SMURF1: variants seen among roughly 807,000 people sequenced by gnomAD.
SMURF1 encodes SMAD specific E3 ubiquitin protein ligase 1.
A neutral mutation model predicts 98.0 loss-of-function variants in SMURF1; 44 were observed. The observed-to-expected ratio is 0.45, with a 90% CI of 0.35 to 0.58. The LOEUF (loss-of-function observed/expected upper bound fraction) is 0.58, where lower values mean the gene tolerates loss of function less well. Ranked by LOEUF, SMURF1 falls within the 20% of genes least tolerant of loss-of-function variation. The pLI is 0.00. For missense variants in SMURF1, 687 were observed against 938.4 expected, an observed-to-expected ratio of 0.73 and a Z score of 3.50; for synonymous variants, 396 against 374.9, an observed-to-expected ratio of 1.06 and a Z score of -0.65.
At chr7:99,053,787 A>T (rs1795816931) in intron 6 of SMURF1, among the ~76,000 whole-genome samples, 1 of 152,154 alleles carries the variant, frequency 6.6e-6, no homozygotes, top group South Asian at 2.1e-4. Context: ...CCATTAATTC[A>T]TGGGGGACTG....
intron 3 of SMURF1, among the ~76,000 whole-genome samples, chr7:99,059,171 G>A (rs533893301): frequency 1.3e-5 from 2 of 151,664 alleles, no homozygotes; most frequent in East Asian, 1.9e-4. Context: ...AGGCCGAGGC[G>A]GGCGGATCAC....
intron 1 of SMURF1, among the ~76,000 whole-genome samples, chr7:99,136,392 C>A (rs931323868): frequency 1.3e-5 from 2 of 151,994 alleles, no homozygotes; most frequent in African/African-American, 4.8e-5. Context: ...GATTGTTGTT[C>A]CTAGTTTGTC....
chr7:99,059,687 A>G (rs1319192825), intron 3 of SMURF1, among the ~76,000 whole-genome samples: 1 of 151,742 alleles, frequency 6.6e-6, no homozygotes, highest in Non-Finnish European at 1.5e-5. Flanking sequence ...AGGCGGGTGG[A>G]TCATGAGGTC....
intron 1 of SMURF1, among the ~76,000 whole-genome samples, chr7:99,118,814 G>C (rs2150617440): frequency 6.6e-6 from 1 of 152,024 alleles, no homozygotes; most frequent in East Asian, 1.9e-4. Context: ...TTTAAAGACA[G>C]CTCTATATTA....
At chr7:99,090,386 C>T (rs1020567316) in intron 1 of SMURF1, among the ~76,000 whole-genome samples, 44 of 152,182 alleles carry the variant, frequency 2.9e-4, no homozygotes, top group Non-Finnish European at 1.2e-4. Context: ...CTACTGCTTA[C>T]AGCGATAGCA....
chr7:99,052,452 A>G lies in SMURF1; in HGVS notation c.480-6T>C, dbSNP rs1795781669. ...CGGAGTCTTCATACACCGTTCTGAA[A>G]GGGACGAGAGCAGGCAGGCATGGTG... On this transcript the variant is annotated splice_polypyrimidine_tract_variant and splice_region_variant and intron_variant, in intron 6 of 17. Coordinates refer to ENST00000361368, the MANE Select transcript of SMURF1 (RefSeq NM_181349.3). 1.3e-6 allele frequency: 2 copies of G among 1,528,406 alleles called. No individual in the cohort carries two copies. The highest frequency in any genetic ancestry group is 1.4e-5 in the African/African-American group (1 of 72,576). The allele number at this position is 1,528,406 out of a possible 1,614,324, so 94.7% of individuals were successfully genotyped here. A position where few individuals can be genotyped will look rare whatever the true frequency, so the allele number is the denominator to read the frequency against.
intron 1 of SMURF1, among the ~76,000 whole-genome samples, chr7:99,069,908 T>C (rs936158721): frequency 9.2e-5 from 14 of 152,362 alleles, no homozygotes; most frequent in Non-Finnish European, 1.9e-4. Flanking sequence ...AAATGATTTC[T>C]TCCTGCGGGG....
intron 1 of SMURF1, among the ~76,000 whole-genome samples, chr7:99,124,129 C>G (rs1797699299): frequency 6.6e-6 from 1 of 152,172 alleles, no homozygotes; most frequent in Non-Finnish European, 1.5e-5. Flanking sequence ...GGAAATACAA[C>G]TCATGAAAAG....
intron 1 of SMURF1, among the ~76,000 whole-genome samples, chr7:99,143,215 G>C (rs574641123): frequency 3.6e-5 from 5 of 137,042 alleles, no homozygotes; most frequent in Middle Eastern, 3.9e-3. Context: ...AGGAAAGGTG[G>C]GGAAGAGAAA....
intron 1 of SMURF1, among the ~76,000 whole-genome samples, chr7:99,068,721 G>C (rs1796254133): frequency 6.6e-6 from 1 of 151,996 alleles, no homozygotes. Flanking sequence ...TTTCTCCCTG[G>C]GTATTAAGAT....
intron 1 of SMURF1, among the ~76,000 whole-genome samples, chr7:99,103,875 A>G (rs926535051): frequency 6.6e-6 from 1 of 151,334 alleles, no homozygotes; most frequent in East Asian, 1.9e-4. Context: ...TTTGTGATGG[A>G]TATCTCCGGG....
intron 1 of SMURF1, among the ~76,000 whole-genome samples, chr7:99,101,251 A>G (rs1403310367): frequency 6.6e-6 from 1 of 152,226 alleles, no homozygotes; most frequent in Non-Finnish European, 1.5e-5. Context: ...GTGTGCCTGT[A>G]GTCCCAGCTA....
intron 1 of SMURF1, among the ~76,000 whole-genome samples, chr7:99,083,342 A>G (rs1796610447): frequency 6.6e-6 from 1 of 152,230 alleles, no homozygotes; most frequent in Non-Finnish European, 1.5e-5. Flanking sequence ...TCCTCAGGCC[A>G]ATGTCAAAAA....
rs185892787 is a variant in SMURF1 at position 99,049,370 on chromosome 7, T to C, written c.953+193A>G. The C allele has an allele frequency of 1.1e-4, 68 of 597,974 alleles. 1 individual carries two copies. The East Asian group carries it at 2.1e-3, about 18-fold the overall frequency. 37.0% of individuals were successfully genotyped at this position (597,974 alleles called of 1,614,324 possible). On this transcript the variant is annotated intron_variant, in intron 9 of 17. Coordinates refer to ENST00000361368, the MANE Select transcript of SMURF1 (RefSeq NM_181349.3). ...AAGTAAGAAAAGGGTAGCAACAACA[T>C]AGGGCTTCAGTGCTCTTCACAGCTA...
At chr7:99,038,662 G>T (rs949836710) in intron 13 of SMURF1, 137 bp from the exon 14 acceptor site, 1 of 948,098 alleles carries the variant, frequency 1.1e-6, no homozygotes, top group Non-Finnish European at 1.5e-6. Context: ...GAACCTGCGT[G>T]GGGGTGGCAC....
Position 99,040,492 on chromosome 7 carries a change from T to G in SMURF1, c.1436A>C (p.Tyr479Ser), listed in dbSNP as rs1471714831. Residue 479 changes from tyrosine (Y) to serine (S), a missense_variant, in exon 13 of 18, where the codon TAC (tyrosine) becomes TCC (serine). By Grantham distance (144) the Tyr-to-Ser change is moderately radical. Transcript: ENST00000361368. ...IMGLAVFHGH[Y>S]INGGFTVPFY... The stretch of plus-strand genomic sequence containing the variant: ...GGGCACTGTGAAGCCCCCGTTGATG[T>G]AGTGTCCATGGAACACAGCCAGCCC... The G allele has an allele frequency of 6.3e-7, 1 of 1,587,676 alleles. No individual in the cohort carries two copies. Among genetic ancestry groups the G allele is most frequent in the Non-Finnish European group, 8.6e-7 (1 of 1,167,052 alleles).
At chr7:99,061,083 C>T (rs1352410945) in intron 2 of SMURF1, among the ~76,000 whole-genome samples, 1 of 152,042 alleles carries the variant, frequency 6.6e-6, no homozygotes, top group East Asian at 1.9e-4. Flanking sequence ...TCGGTAAGTC[C>T]CTAAATGCTA....
chr7:99,032,783 T>TA (rs1794957559), intron 17 of SMURF1: 1 of 516,280 alleles, frequency 1.9e-6, no homozygotes, highest in South Asian at 3.5e-5. Context: ...GGTATTTTTT[T>TA]ACATGGCCAG....
intron 1 of SMURF1, among the ~76,000 whole-genome samples, chr7:99,099,209 CT>C (rs57973305): frequency 0.057 from 7,425 of 129,428 alleles, 470 homozygotes; most frequent in African/African-American, 0.2. Flanking sequence ...AACACTACTA[CT>C]TTTTTTTTTT....
Sources: allele counts gnomAD v4.1 joint callset (sites outside exome capture counted in the v4.1 genomes callset), GRCh38; gene constraint gnomAD v4.1.1; transcripts MANE v1.5; gene names NCBI Gene and HGNC (gene_info 2026-07-23, HGNC 2026-07-21).